The following GRIA1 variants were observed in gnomAD, a reference collection of about 807,000 sequenced individuals.
GRIA1 encodes the protein glutamate receptor 1.
GRIA1 carries 31 observed loss-of-function variants against 99.2 expected under a neutral mutation model. That is an observed-to-expected ratio of 0.31 (90% CI 0.23 to 0.42). GRIA1 has a LOEUF of 0.42. GRIA1 is among the 10% of genes least tolerant of loss of function. GRIA1 has a pLI of 1.00. For missense variants in GRIA1, 782 were observed against 1,157.5 expected (o/e 0.68, Z 4.71); for synonymous variants, 438 against 432.4 (o/e 1.01, Z -0.16).
At chr5:153,806,624 C>T (rs571760363) in intron 15 of GRIA1, among the ~76,000 whole-genome samples, 2 of 152,212 alleles carry the variant, frequency 1.3e-5, no homozygotes, top group South Asian at 4.2e-4. Flanking sequence ...TCTCATGTGG[C>T]TCAACAGTGC....
chr5:153,506,490 G>T (rs1280974903), intron 2 of GRIA1, among the ~76,000 whole-genome samples: 1 of 152,158 alleles, frequency 6.6e-6, no homozygotes, highest in Non-Finnish European at 1.5e-5. Context: ...TTAAATTGAA[G>T]AACTTCATCT....
Position 153,674,575 on chromosome 5 carries a change from A to G in GRIA1, c.775A>G (p.Thr259Ala). Reference sequence around the variant, plus strand: ...GACAGGTTTCCAGCTGGTGAACTACACAGACACTATTCCGGCCAAGATCAT... The same window carrying G: ...GACAGGTTTCCAGCTGGTGAACTACGCAGACACTATTCCGGCCAAGATCAT... ...NVTGFQLVNY[T>A]DTIPAKIMQQ... Residue 259 changes from threonine (T) to alanine (A), a missense_variant, in exon 6 of 16, where the codon ACA becomes GCA. This residue lies in a region of GRIA1 where 461 missense variants were observed against 521.7 expected (regional missense o/e 0.88). Transcript: ENST00000285900. 3 of 1,614,140 alleles carry G rather than the reference A, an allele frequency of 1.9e-6. No homozygotes were observed. The highest frequency in any genetic ancestry group is 2.5e-6 in the Non-Finnish European group (3 of 1,179,998).
At chr5:153,658,738 G>A (rs1405668263) in intron 5 of GRIA1, among the ~76,000 whole-genome samples, 1 of 152,176 alleles carries the variant, frequency 6.6e-6, no homozygotes, top group Admixed American at 6.6e-5. Context: ...TAGAGACCAA[G>A]GAAGGCTTTG....
intron 2 of GRIA1, among the ~76,000 whole-genome samples, chr5:153,642,756 C>G (rs1753865288): frequency 6.6e-6 from 1 of 152,136 alleles, no homozygotes; most frequent in Non-Finnish European, 1.5e-5. Flanking sequence ...GTGCATTAAC[C>G]CAGTACACAC....
intron 2 of GRIA1, among the ~76,000 whole-genome samples, chr5:153,642,637 GA>G (rs56261295): frequency 0.42 from 54,989 of 132,144 alleles, 11,464 homozygotes; most frequent in Non-Finnish European, 0.51. Context: ...CCCTGTTTCA[GA>G]AAAAAAAAAA....
intron 2 of GRIA1, among the ~76,000 whole-genome samples, chr5:153,545,507 G>A (rs977142603): frequency 2.6e-5 from 4 of 152,150 alleles, no homozygotes; most frequent in East Asian, 1.9e-4. Context: ...TTTCAGGGTC[G>A]GCTTAAGGAT....
chr5:153,534,519 C>T (rs1315966685), intron 2 of GRIA1, among the ~76,000 whole-genome samples: 1 of 152,234 alleles, frequency 6.6e-6, no homozygotes. Flanking sequence ...AGTTTCATTT[C>T]ATAAACCCCT....
intron 2 of GRIA1, among the ~76,000 whole-genome samples, chr5:153,626,751 A>T (rs1320927278): frequency 6.6e-6 from 1 of 152,134 alleles, no homozygotes. Flanking sequence ...GTACTGGACA[A>T]AGCAGGATCT....
At chr5:153,802,956 T>C (rs1766153434) in intron 15 of GRIA1, among the ~76,000 whole-genome samples, 1 of 152,156 alleles carries the variant, frequency 6.6e-6, no homozygotes, top group East Asian at 1.9e-4. Flanking sequence ...AAGAGGACCA[T>C]GTGCAGAGAA....
chr5:153,787,752 C>A (rs551279241), intron 13 of GRIA1, among the ~76,000 whole-genome samples: 3 of 152,150 alleles, frequency 2.0e-5, no homozygotes, highest in Admixed American at 6.5e-5. Flanking sequence ...TGACCATCTC[C>A]TTTGACTTCC....
chr5:153,567,101 G>A (rs1189543691), intron 2 of GRIA1, among the ~76,000 whole-genome samples: 1 of 152,040 alleles, frequency 6.6e-6, no homozygotes, highest in African/African-American at 2.4e-5. Flanking sequence ...CTTTTTTGTT[G>A]TTGTTGTTTA....
At chr5:153,723,355 C>T (rs1012126443) in intron 11 of GRIA1, among the ~76,000 whole-genome samples, 17 of 152,094 alleles carry the variant, frequency 1.1e-4, no homozygotes, top group African/African-American at 4.1e-4. Context: ...TCTGAGGTAC[C>T]AGGTTCATCT....
intron 13 of GRIA1, among the ~76,000 whole-genome samples, chr5:153,792,538 C>T (rs1380608858): frequency 1.3e-5 from 2 of 152,080 alleles, no homozygotes; most frequent in East Asian, 3.9e-4. Flanking sequence ...ACATACATTC[C>T]CTTAAAACAG....
At chr5:153,599,453 A>G (rs1350384586) in intron 2 of GRIA1, among the ~76,000 whole-genome samples, 1 of 151,928 alleles carries the variant, frequency 6.6e-6, no homozygotes, top group Non-Finnish European at 1.5e-5. Context: ...CAGATAACCA[A>G]CATCTAGGTA....
At chr5:153,596,506 G>C (rs1218480415) in intron 2 of GRIA1, among the ~76,000 whole-genome samples, 1 of 152,172 alleles carries the variant, frequency 6.6e-6, no homozygotes, top group Non-Finnish European at 1.5e-5. Context: ...CCATTTTGCA[G>C]ATGGGGAAAT....
chr5:153,782,442 TG>T (rs1764692339), intron 13 of GRIA1, among the ~76,000 whole-genome samples: 2 of 152,204 alleles, frequency 1.3e-5, no homozygotes, highest in Non-Finnish European at 2.9e-5. Context: ...AGTCTAATGT[TG>T]ACATGTAGGA....
At chr5:153,538,089 A>AAGAACC (rs1335739899) in intron 2 of GRIA1, among the ~76,000 whole-genome samples, 1 of 152,186 alleles carries the variant, frequency 6.6e-6, no homozygotes, top group Non-Finnish European at 1.5e-5. Context: ...GGTGGAAGAT[A>AAGAACC]AGAACCACAG....
At chr5:153,659,946 A>G (rs1460047474) in intron 5 of GRIA1, among the ~76,000 whole-genome samples, 1 of 152,178 alleles carries the variant, frequency 6.6e-6, no homozygotes, top group Non-Finnish European at 1.5e-5. Context: ...TCATTTTTAT[A>G]CCATATTATA....
intron 11 of GRIA1, among the ~76,000 whole-genome samples, chr5:153,725,735 T>C (rs1760471512): frequency 1.7e-5 from 2 of 115,358 alleles, no homozygotes; most frequent in South Asian, 8.0e-4. Flanking sequence ...CCCAGTTTCA[T>C]AAAGCAAGTC....
Sources: gnomAD v4.1 joint callset for allele counts (sites outside exome capture counted in the v4.1 genomes callset) on GRCh38, gnomAD v4.1.1 for gene constraint, gnomAD v4.1.1 regional missense constraint, MANE v1.5 for transcripts, NCBI Gene and HGNC (gene_info 2026-07-23, HGNC 2026-07-21) for gene names.